The following UNC5C variants were observed in gnomAD, a reference collection of about 807,000 sequenced individuals.
UNC5C encodes the protein unc-5 netrin receptor C.
Under a neutral mutation model 99.8 loss-of-function variants are expected in UNC5C, and 47 were observed. The observed-to-expected ratio is 0.47, with a 90% CI of 0.37 to 0.60. UNC5C has a LOEUF of 0.60. Ranked by LOEUF, UNC5C falls within the 20% of genes least tolerant of loss-of-function variation. UNC5C has a pLI of 0.00. For synonymous variants in UNC5C, 487 were observed against 452.2 expected, an observed-to-expected ratio of 1.08 and a Z score of -0.98; for missense variants, 1,062 against 1,165.9, an observed-to-expected ratio of 0.91 and a Z score of 1.30.
intron 4 of UNC5C, among the ~76,000 whole-genome samples, chr4:95,271,769 C>G (rs1740675996): frequency 6.6e-6 from 1 of 152,204 alleles, no homozygotes. Flanking sequence ...CTCGACAATT[C>G]CTTAATGTCT....
intron 1 of UNC5C, among the ~76,000 whole-genome samples, chr4:95,400,043 TATAG>T (rs991247153): frequency 1.3e-5 from 2 of 152,308 alleles, no homozygotes; most frequent in African/African-American, 4.8e-5. Context: ...CTGACATTGT[TATAG>T]ATAAAGGTAG....
At chr4:95,542,809 T>TA (rs537706247) in intron 1 of UNC5C, among the ~76,000 whole-genome samples, 2,052 of 148,978 alleles carry the variant, frequency 0.014, 46 homozygotes, top group East Asian at 0.043. Context: ...GTAGACAGGA[T>TA]AAAAAAAAAA....
intron 4 of UNC5C, among the ~76,000 whole-genome samples, chr4:95,276,064 A>AAATG (rs1162732504): frequency 1.2e-4 from 19 of 152,204 alleles, no homozygotes; most frequent in African/African-American, 4.6e-4. Context: ...ATTAGAAGGA[A>AAATG]AATGGTCGTA....
intron 2 of UNC5C, among the ~76,000 whole-genome samples, chr4:95,320,381 C>T (rs1320373762): frequency 1.0e-4 from 14 of 139,134 alleles, no homozygotes; most frequent in African/African-American, 3.8e-4. Flanking sequence ...GAGATCATGC[C>T]ATTGTACTCC....
At chr4:95,198,875 A>AAAG (rs1737539561) in intron 12 of UNC5C, among the ~76,000 whole-genome samples, 1 of 152,232 alleles carries the variant, frequency 6.6e-6, no homozygotes, top group Non-Finnish European at 1.5e-5. Context: ...TAGTAGAATT[A>AAAG]AAGTTCCAAA....
At chr4:95,475,726 G>A (rs1291681692) in intron 1 of UNC5C, among the ~76,000 whole-genome samples, 7 of 151,968 alleles carry the variant, frequency 4.6e-5, no homozygotes, top group African/African-American at 1.7e-4. Context: ...ACCCACCTGG[G>A]AAAACTTACT....
intron 4 of UNC5C, among the ~76,000 whole-genome samples, chr4:95,255,259 T>G (rs976023682): frequency 1.3e-5 from 2 of 152,094 alleles, no homozygotes; most frequent in Admixed American, 1.3e-4. Context: ...GGATTACAGG[T>G]GTGAGCCACC....
At chr4:95,425,819 A>T (rs1280183368) in intron 1 of UNC5C, among the ~76,000 whole-genome samples, 3 of 152,234 alleles carry the variant, frequency 2.0e-5, no homozygotes, top group African/African-American at 7.2e-5. Context: ...TCAACATTAT[A>T]TTGTGCACAT....
intron 4 of UNC5C, among the ~76,000 whole-genome samples, chr4:95,271,472 G>T (rs900767747): frequency 6.6e-6 from 1 of 151,866 alleles, no homozygotes; most frequent in Non-Finnish European, 1.5e-5. Flanking sequence ...CTCGTGATCC[G>T]CCCGCCTCGG....
intron 4 of UNC5C, among the ~76,000 whole-genome samples, chr4:95,258,840 C>G (rs1017789289): frequency 7.0e-6 from 1 of 142,826 alleles, no homozygotes; most frequent in Non-Finnish European, 1.5e-5. Context: ...CGGCTCACTG[C>G]AAGCTCCGCT....
chr4:95,430,270 T>C (rs914429059), intron 1 of UNC5C, among the ~76,000 whole-genome samples: 1 of 152,050 alleles, frequency 6.6e-6, no homozygotes, highest in Non-Finnish European at 1.5e-5. Flanking sequence ...GGGAGTGCCA[T>C]CTGTGGGATA....
At chr4:95,357,845 T>C (rs1560802646) in intron 1 of UNC5C, among the ~76,000 whole-genome samples, 1 of 151,878 alleles carries the variant, frequency 6.6e-6, no homozygotes, top group Non-Finnish European at 1.5e-5. Flanking sequence ...TAGTAACATA[T>C]GTTAGTAGCT....
chr4:95,526,054 T>G (rs1722490996), intron 1 of UNC5C, among the ~76,000 whole-genome samples: 1 of 152,228 alleles, frequency 6.6e-6, no homozygotes, highest in African/African-American at 2.4e-5. Context: ...CTGTTCTGAC[T>G]AATCAATTAT....
intron 7 of UNC5C, among the ~76,000 whole-genome samples, chr4:95,239,460 A>T (rs1739248008): frequency 6.6e-6 from 1 of 152,088 alleles, no homozygotes; most frequent in Admixed American, 6.6e-5. Context: ...TTCCAAGTCT[A>T]GGTCTCACAA....
intron 4 of UNC5C, among the ~76,000 whole-genome samples, chr4:95,252,544 G>T (rs568465952): frequency 1.1e-4 from 16 of 152,284 alleles, no homozygotes; most frequent in African/African-American, 2.6e-4. Flanking sequence ...GTCTCATTGG[G>T]TCAGAATCTG....
Position 95,167,369 on chromosome 4 carries a change from T to A in UNC5C, c.*1865A>T, listed in dbSNP as rs527477551. On this transcript the variant is annotated 3_prime_UTR_variant, in exon 16 of 16. Coordinates refer to ENST00000453304, the MANE Select transcript of UNC5C (RefSeq NM_003728.4). ...GATGGTCCCAAGGAAACATAATAGTTGTTTACACAAAGTAGTGTGTTGACT... is the reference window on the plus strand; with the variant it reads ...GATGGTCCCAAGGAAACATAATAGTAGTTTACACAAAGTAGTGTGTTGACT... The A allele has an allele frequency of 2.6e-5, 4 of 152,294 alleles. No individual in the cohort carries two copies. In the East Asian group the frequency reaches 7.7e-4, roughly 29 times the overall value. 9.4% of individuals were successfully genotyped at this position (152,294 alleles called of 1,614,324 possible).
chr4:95,429,290 A>AAC lies in UNC5C; in HGVS notation c.125-93660_125-93659insGT, dbSNP rs1553971804. Among the ~76,000 whole-genome samples, 360 of 102,304 alleles carry AAC rather than the reference A, an allele frequency of 3.5e-3. 5 individuals are homozygous for AAC. The highest frequency in any genetic ancestry group is 9.6e-3 in the African/African-American group (351 of 36,702). 67.1% of individuals were successfully genotyped at this position (102,304 alleles called of 152,430 possible). ...ATACTTAGTGATTCTTAAAAAAAAA[A>AAC]AAAAAAACAAACAAAAAAAACAAGC... On this transcript the variant is annotated intron_variant, in intron 1 of 15. Coordinates refer to ENST00000453304, the MANE Select transcript of UNC5C (RefSeq NM_003728.4).
intron 2 of UNC5C, among the ~76,000 whole-genome samples, chr4:95,320,592 C>T (rs546303843): frequency 3.9e-5 from 6 of 152,284 alleles, no homozygotes; most frequent in South Asian, 4.2e-4. Flanking sequence ...AGCATATGCA[C>T]GGTTGCTGAG....
intron 1 of UNC5C, among the ~76,000 whole-genome samples, chr4:95,374,676 C>T (rs1223529005): frequency 6.6e-6 from 1 of 152,078 alleles, no homozygotes; most frequent in African/African-American, 2.4e-5. Context: ...TGAGGAGGAG[C>T]ATAGTTGGGG....
Sources: allele counts gnomAD v4.1 joint callset (sites outside exome capture counted in the v4.1 genomes callset), GRCh38; gene constraint gnomAD v4.1.1; transcripts MANE v1.5; gene names NCBI Gene and HGNC (gene_info 2026-07-23, HGNC 2026-07-21).